SRD5A2: variants seen among roughly 807,000 people sequenced by gnomAD.
SRD5A2 encodes the protein 3-oxo-5-alpha-steroid 4-dehydrogenase 2.
SRD5A2 carries 30 observed loss-of-function variants against 27.4 expected under a neutral mutation model. That is an observed-to-expected ratio of 1.10 (90% confidence interval 0.82 to 1.49). The LOEUF (loss-of-function observed/expected upper bound fraction) is 1.49, where lower values mean the gene tolerates loss of function less well. SRD5A2 is among the 40% of genes most tolerant of loss of function. The pLI, the probability that SRD5A2 is intolerant of heterozygous loss-of-function variation, is 0.00. For missense variants in SRD5A2, 348 were observed against 323.4 expected (o/e 1.08, Z -0.58); for synonymous variants, 141 against 133.6 (o/e 1.06, Z -0.38).
the SRD5A2 span, among the ~76,000 whole-genome samples, chr2:31,615,319 G>A: frequency 6.6e-6 from 1 of 152,184 alleles, no homozygotes. Context: ...ACTTCCTAGA[G>A]ACTTGTTGAA....
chr2:31,604,731 C>G, the SRD5A2 span, among the ~76,000 whole-genome samples: 1 of 151,676 alleles, frequency 6.6e-6, no homozygotes, highest in Non-Finnish European at 1.5e-5. Flanking sequence ...CCATACTACC[C>G]AAAGCAAACC....
chr2:31,640,425 T>C, the SRD5A2 span, among the ~76,000 whole-genome samples: 3 of 152,202 alleles, frequency 2.0e-5, no homozygotes, highest in Non-Finnish European at 2.9e-5. Context: ...TTTATGTCTT[T>C]GCATTTTAGG....
the SRD5A2 span, among the ~76,000 whole-genome samples, chr2:31,638,657 G>A: frequency 6.6e-6 from 1 of 151,588 alleles, no homozygotes; most frequent in Non-Finnish European, 1.5e-5. Flanking sequence ...TGTATTGACC[G>A]CTTTATAACT....
intron 2 of SRD5A2, 97 bp from the exon 3 acceptor site, chr2:31,531,569 T>TAATTCCAAAAAATGAAGGGAAGGGCATTA (rs1665909649): frequency 1.3e-6 from 1 of 793,934 alleles, no homozygotes; most frequent in Non-Finnish European, 2.0e-6. Flanking sequence ...GAGGGGCATT[T>TAATTCCAAAAAATGAAGGGAAGGGCATTA]AATTTCTAAA....
At chr2:31,564,707 T>C (rs1008809202) in intron 1 of SRD5A2, among the ~76,000 whole-genome samples, 11 of 151,994 alleles carry the variant, frequency 7.2e-5, no homozygotes, top group African/African-American at 2.7e-4. Flanking sequence ...AGATTTCTTG[T>C]TGGAAATAAT....
At chr2:31,636,265 C>T in the SRD5A2 span, among the ~76,000 whole-genome samples, 1 of 151,908 alleles carries the variant, frequency 6.6e-6, no homozygotes, top group Non-Finnish European at 1.5e-5. Flanking sequence ...TTTGGCTAGA[C>T]TGATTCCTAG....
chr2:31,529,754 G>A (rs950963577), intron 3 of SRD5A2, among the ~76,000 whole-genome samples: 1 of 152,148 alleles, frequency 6.6e-6, no homozygotes, highest in Admixed American at 6.5e-5. Context: ...ATAAGGGAGA[G>A]GTGTAGGAGG....
the SRD5A2 span, among the ~76,000 whole-genome samples, chr2:31,644,026 G>A: frequency 1.3e-5 from 2 of 152,138 alleles, no homozygotes; most frequent in African/African-American, 4.8e-5. Flanking sequence ...AATCATAGGG[G>A]AAGATAGTAA....
chr2:31,525,821 A>T lies in SRD5A2; in HGVS notation c.*375T>A. On this transcript the variant is annotated 3_prime_UTR_variant, in exon 5 of 5. Transcript: ENST00000622030. Reference sequence around the variant, plus strand: ...ATAAGGTCTATAAGTACTGCCTTCAAGTCAAAAAATTCTTGATTACAGAGT... The same window carrying T: ...ATAAGGTCTATAAGTACTGCCTTCATGTCAAAAAATTCTTGATTACAGAGT... The T allele has an allele frequency of 4.0e-6, 1 of 252,586 alleles. No homozygotes were observed. The highest frequency in any genetic ancestry group is 7.7e-6 in the Non-Finnish European group (1 of 129,538). 15.6% of individuals were successfully genotyped at this position (252,586 alleles called of 1,614,324 possible). A position where few individuals can be genotyped will look rare whatever the true frequency, so the allele number is the denominator to read the frequency against.
intron 1 of SRD5A2, among the ~76,000 whole-genome samples, chr2:31,561,237 A>G (rs769587155): frequency 2.0e-5 from 3 of 152,198 alleles, no homozygotes; most frequent in Non-Finnish European, 2.9e-5. Context: ...CAGTATTTAC[A>G]GTGTGGATTA....
At chr2:31,644,159 T>C in the SRD5A2 span, among the ~76,000 whole-genome samples, 1 of 152,090 alleles carries the variant, frequency 6.6e-6, no homozygotes, top group Admixed American at 6.6e-5. Flanking sequence ...CCTGCAAAAA[T>C]AAAAATACCA....
intron 1 of SRD5A2, among the ~76,000 whole-genome samples, chr2:31,565,057 A>G (rs1666702564): frequency 6.6e-6 from 1 of 151,968 alleles, no homozygotes. Context: ...AACAACAACA[A>G]TAACATAAGG....
At chr2:31,578,969 T>C (rs1036053970) in intron 1 of SRD5A2, among the ~76,000 whole-genome samples, 5 of 152,194 alleles carry the variant, frequency 3.3e-5, no homozygotes. Context: ...AAAATAATTG[T>C]TGACAAAAAT....
the SRD5A2 span, among the ~76,000 whole-genome samples, chr2:31,598,349 A>G: frequency 6.6e-6 from 1 of 152,040 alleles, no homozygotes; most frequent in Non-Finnish European, 1.5e-5. Context: ...GGTGCAGTGT[A>G]CCCTGCTTGG....
the SRD5A2 span, among the ~76,000 whole-genome samples, chr2:31,650,086 T>C: frequency 3.0e-3 from 463 of 152,200 alleles, 1 homozygote; most frequent in African/African-American, 0.011. Context: ...TCATTGAACA[T>C]TGTTATTCAG....
chr2:31,661,592 G>A, the SRD5A2 span, among the ~76,000 whole-genome samples: 1 of 152,150 alleles, frequency 6.6e-6, no homozygotes, highest in African/African-American at 2.4e-5. Context: ...GAAGAATTGT[G>A]TCAAATATTA....
intron 1 of SRD5A2, among the ~76,000 whole-genome samples, chr2:31,547,851 G>T (rs527748061): frequency 1.3e-5 from 2 of 148,782 alleles, no homozygotes; most frequent in Non-Finnish European, 3.0e-5. Context: ...TATCTCCCCC[G>T]CCTCTCTCTA....
intron 2 of SRD5A2, among the ~76,000 whole-genome samples, chr2:31,533,020 G>A (rs1237891577): frequency 6.6e-6 from 1 of 152,140 alleles, no homozygotes; most frequent in East Asian, 1.9e-4. Context: ...TTTGGATGTG[G>A]CCTGACACAA....
chr2:31,571,575 A>G (rs1468954494), intron 1 of SRD5A2, among the ~76,000 whole-genome samples: 3 of 152,202 alleles, frequency 2.0e-5, no homozygotes, highest in Non-Finnish European at 4.4e-5. Context: ...TCAAGAGAGT[A>G]AACATGCAAC....
Sources: gnomAD v4.1 joint callset for allele counts (sites outside exome capture counted in the v4.1 genomes callset) on GRCh38, gnomAD v4.1.1 for gene constraint, MANE v1.5 for transcripts, NCBI Gene and HGNC (gene_info 2026-07-23, HGNC 2026-07-21) for gene names.